Variants in PCDHGB7 observed in about 807,000 individuals in gnomAD.
PCDHGB7 encodes protocadherin gamma subfamily B, 7, also known as protocadherin gamma-B7.
A neutral mutation model predicts 61.4 loss-of-function variants in PCDHGB7; 37 were observed. The ratio of observed to expected loss-of-function variants is 0.60; its 90% CI spans 0.46 to 0.79. PCDHGB7 has a LOEUF of 0.79. PCDHGB7 is among the 30% of genes least tolerant of loss of function. The probability of loss-of-function intolerance (pLI) is 0.00; values close to 1 mark genes in which losing one functional copy is unlikely to be tolerated. For synonymous variants in PCDHGB7, 464 were observed against 503.5 expected (o/e 0.92, Z 1.05); for missense variants, 1,166 against 1,202.5 (o/e 0.97, Z 0.45).
rs1168649993 is a variant in PCDHGB7, at chr5:141,432,243, C to G, written c.2415+11969C>G. On this transcript the variant is annotated intron_variant, in intron 1 of 3. Transcript: ENST00000398594. The surrounding 1 kb of genome is among the most constrained non-coding windows in gnomAD (Gnocchi z 6.0). ...ATCACTTATTCCCTGGCTGAGAACA[C>G]CATCCAAGGGGCAAGCCTATCGTCC... 1 of 1,614,244 alleles carries G rather than the reference C, an allele frequency of 6.2e-7. No individual in the cohort carries two copies. Among genetic ancestry groups the G allele is most frequent in the Non-Finnish European group, 8.5e-7 (1 of 1,180,050 alleles).
intron 1 of PCDHGB7, chr5:141,427,734 C>A (rs2097062807): frequency 1.7e-6 from 2 of 1,207,418 alleles, no homozygotes; most frequent in Non-Finnish European, 2.4e-6. Flanking sequence ...GCTGAATGGC[C>A]AAGTCTCCTA....
At chr5:141,475,992 C>A in intron 1 of PCDHGB7, 1 of 1,158,844 alleles carries the variant, frequency 8.6e-7, no homozygotes, top group Non-Finnish European at 1.2e-6. Context: ...GCGAGCAAAT[C>A]AACGGCATCC....
At chr5:141,465,494 G>C (rs2099104306) in intron 1 of PCDHGB7, among the ~76,000 whole-genome samples, 1 of 152,204 alleles carries the variant, frequency 6.6e-6, no homozygotes, top group African/African-American at 2.4e-5. Context: ...ATGAGCGGGA[G>C]CATTGTCGTG....
intron 1 of PCDHGB7, among the ~76,000 whole-genome samples, chr5:141,474,703 C>G (rs2099353282): frequency 6.6e-6 from 1 of 152,188 alleles, no homozygotes; most frequent in Admixed American, 6.5e-5. Flanking sequence ...GTTCAAGGTT[C>G]TATTATACTT....
intron 1 of PCDHGB7, among the ~76,000 whole-genome samples, chr5:141,483,658 G>C (rs906346163): frequency 1.4e-4 from 22 of 152,028 alleles, no homozygotes; most frequent in Non-Finnish European, 2.4e-4. Context: ...TTGTGTGTGT[G>C]TGTGTGTGTG....
At chr5:141,461,819 A>T (rs573339238) in intron 1 of PCDHGB7, among the ~76,000 whole-genome samples, 68 of 149,282 alleles carry the variant, frequency 4.6e-4, no homozygotes, top group Non-Finnish European at 9.5e-4. Flanking sequence ...ACACCCAGCT[A>T]ATTTTTTTTT....
rs2096349736 is a variant in PCDHGB7 at position 141,419,244 on chromosome 5, C to T, written c.1385C>T (p.Pro462Leu). Residue 462 changes from proline (P) to leucine (L), a missense_variant, in exon 1 of 4, where the codon CCA (proline) becomes CTA (leucine). Physicochemically the swap from Pro to Leu is moderately conservative, Grantham distance 98. Transcript: ENST00000398594. The stretch of plus-strand genomic sequence containing the variant: ...CAGTCAGCCTACCTGGTCCACGTGC[C>T]AGAAAACAACCAGCCGGGTGCCTCC... ...FGQSAYLVHV[P>L]ENNQPGASIA... is the part of the protein sequence containing the mutation. 1.2e-6 allele frequency: 2 copies of T among 1,614,008 alleles called. No homozygotes were observed. The highest frequency in any genetic ancestry group is 1.7e-6 in the Non-Finnish European group (2 of 1,179,894).
intron 1 of PCDHGB7, among the ~76,000 whole-genome samples, chr5:141,461,253 C>A (rs1358900194): frequency 6.6e-6 from 1 of 152,108 alleles, no homozygotes; most frequent in Non-Finnish European, 1.5e-5. Flanking sequence ...ATATTCCCAG[C>A]AGCAATGTGT....
intron 1 of PCDHGB7, chr5:141,421,286 T>G: frequency 6.2e-7 from 1 of 1,613,284 alleles, no homozygotes; most frequent in Non-Finnish European, 8.5e-7. Flanking sequence ...CTGTGCATTT[T>G]CCTGGGGACG....
chr5:141,430,015 T>G (rs2097256653), intron 1 of PCDHGB7, among the ~76,000 whole-genome samples: 1 of 152,236 alleles, frequency 6.6e-6, no homozygotes, highest in South Asian at 2.1e-4. Context: ...TTCACTTGGG[T>G]TCTTGTTAAG....
intron 2 of PCDHGB7, 79 bp downstream of exon 2, chr5:141,494,944 C>T: frequency 1.9e-6 from 3 of 1,609,850 alleles, no homozygotes; most frequent in Non-Finnish European, 2.5e-6. Context: ...TGGGGGAGGG[C>T]CCAGCATTTG....
Position 141,417,818 on chromosome 5 carries a change from C to T in PCDHGB7, c.-42C>T, listed in dbSNP as rs59981184. 5.7e-4 allele frequency: 859 copies of T among 1,512,530 alleles called. 1 individual carries two copies. The African/African-American group carries it at 0.011, about 19-fold the overall frequency. 93.7% of individuals were successfully genotyped at this position (1,512,530 alleles called of 1,614,324 possible). On this transcript the variant is annotated 5_prime_UTR_variant, in exon 1 of 4. Coordinates refer to ENST00000398594, the MANE Select transcript of PCDHGB7 (RefSeq NM_018927.4). ...TTTAGCGCGGTAGAGTGCACTTTCTCCAACTGGAAAAGCGGGGACCCAGCG... is the reference window on the plus strand; with the variant it reads ...TTTAGCGCGGTAGAGTGCACTTTCTTCAACTGGAAAAGCGGGGACCCAGCG...
Position 141,431,758 on chromosome 5 carries a change from C to T in PCDHGB7, c.2415+11484C>T. Reference sequence around the variant, plus strand: ...CAGGATATTCTGCGCGAGCCAAAGTCCTGATCACTGTTCTGGACGTGAACG... The same window carrying T: ...CAGGATATTCTGCGCGAGCCAAAGTTCTGATCACTGTTCTGGACGTGAACG... On this transcript the variant is annotated intron_variant, in intron 1 of 3. Transcript: ENST00000398594. This position sits in a 1 kb window ranked among gnomAD's most constrained non-coding sequence, Gnocchi z 4.8. 1.9e-6 allele frequency: 3 copies of T among 1,614,172 alleles called. No homozygotes were observed. The highest frequency in any genetic ancestry group is 1.7e-6 in the Non-Finnish European group (2 of 1,180,020).
At chr5:141,482,611 G>T (rs1016481108) in intron 1 of PCDHGB7, among the ~76,000 whole-genome samples, 1 of 150,398 alleles carries the variant, frequency 6.6e-6, no homozygotes, top group Admixed American at 6.6e-5. Context: ...ACACCTAAAT[G>T]AGCCTGGAGA....
chr5:141,459,162 T>A (rs1408033955), intron 1 of PCDHGB7, among the ~76,000 whole-genome samples: 3 of 152,224 alleles, frequency 2.0e-5, no homozygotes, highest in African/African-American at 7.2e-5. Context: ...AACATTTCTA[T>A]AACCTTCAAA....
At chr5:141,421,878 T>C (rs1364225081) in intron 1 of PCDHGB7, 1 of 1,613,612 alleles carries the variant, frequency 6.2e-7, no homozygotes, top group African/African-American at 1.3e-5. Context: ...CAGCTTTAGA[T>C]GGAGGCGATC....
rs2099701571 is a variant in PCDHGB7, at chr5:141,490,550, A to G, written c.2416-4257A>G. On this transcript the variant is annotated intron_variant, in intron 1 of 3. Coordinates refer to ENST00000398594, the MANE Select transcript of PCDHGB7 (RefSeq NM_018927.4). This position sits in a 1 kb window ranked among gnomAD's most constrained non-coding sequence, Gnocchi z 5.4. ...GCTGGTTCACCTTCCCTACACAAACATCTCACCATCAGGCTCAACATTTCA... is the reference window on the plus strand; with the variant it reads ...GCTGGTTCACCTTCCCTACACAAACGTCTCACCATCAGGCTCAACATTTCA... 1 of 1,614,092 alleles carries G rather than the reference A, an allele frequency of 6.2e-7. No individual in the cohort carries two copies.
intron 1 of PCDHGB7, chr5:141,422,908 C>T (rs1340882515): frequency 2.5e-6 from 4 of 1,614,126 alleles, no homozygotes; most frequent in Non-Finnish European, 3.4e-6. Context: ...CGACAATGCG[C>T]CCGAGATCCT....
Position 141,505,474 on chromosome 5 carries a change from C to T in PCDHGB7, c.2556C>T (p.Ser852=), listed in dbSNP as rs751690779. The stretch of plus-strand genomic sequence containing the variant: ...TGCTGCAAGCCATGATCTTGGCGTC[C>T]GCCAGTGGTAAGTGGTGTCAGTGTG... ...TEMLQAMILA[S]ASEAADGSST... Residue 852 remains serine, a synonymous_variant, in exon 3 of 4, where the codon TCC becomes TCT. Transcript: ENST00000398594. 2.2e-5 allele frequency: 36 copies of T among 1,614,090 alleles called. No individual in the cohort carries two copies. The highest frequency in any genetic ancestry group is 5.3e-5 in the African/African-American group (4 of 74,934).
Sources: gnomAD v4.1 joint callset for allele counts (sites outside exome capture counted in the v4.1 genomes callset) on GRCh38, gnomAD v4.1.1 for gene constraint, Gnocchi (gnomAD v3.1) non-coding constraint, MANE v1.5 for transcripts, NCBI Gene and HGNC (gene_info 2026-07-23, HGNC 2026-07-21) for gene names.